The following CADM1 variants were observed in gnomAD, a reference collection of about 807,000 sequenced individuals.
CADM1 encodes the protein cell adhesion molecule 1.
In CADM1, 15 loss-of-function variants were observed where a neutral mutation model predicts 53.1. That is an observed-to-expected ratio of 0.28 (90% CI 0.19 to 0.44). CADM1 has a LOEUF of 0.44. CADM1 is among the 20% of genes least tolerant of loss of function. The pLI is 1.00. For synonymous variants in CADM1, 281 were observed against 243.0 expected (o/e 1.16, Z -1.45); for missense variants, 434 against 611.3 (o/e 0.71, Z 3.06).
chr11:115,179,155 T>C (rs1939190001), intron 10 of CADM1: 2 of 314,348 alleles, frequency 6.4e-6, no homozygotes, highest in South Asian at 6.2e-5. Flanking sequence ...GAATGACACC[T>C]TTAGGCAACA....
chr11:115,271,163 C>G (rs1234859104), intron 1 of CADM1, among the ~76,000 whole-genome samples: 1 of 152,112 alleles, frequency 6.6e-6, no homozygotes, highest in African/African-American at 2.4e-5. Flanking sequence ...TCAGGCTAAG[C>G]ATCAGGTTAG....
At chr11:115,362,052 T>G (rs1314581574) in intron 1 of CADM1, among the ~76,000 whole-genome samples, 1 of 152,138 alleles carries the variant, frequency 6.6e-6, no homozygotes, top group Admixed American at 6.5e-5. Flanking sequence ...TAAACCTTAT[T>G]TTTCCATATT....
chr11:115,440,611 A>C (rs1289984507), intron 1 of CADM1, among the ~76,000 whole-genome samples: 1 of 152,196 alleles, frequency 6.6e-6, no homozygotes, highest in Non-Finnish European at 1.5e-5. Context: ...CAGACAGCTA[A>C]GGGGAGTTTG....
chr11:115,478,204 TAAAAC>T (rs1376443177), intron 1 of CADM1, among the ~76,000 whole-genome samples: 1 of 151,988 alleles, frequency 6.6e-6, no homozygotes, highest in East Asian at 1.9e-4. Flanking sequence ...AATTTTAAAA[TAAAAC>T]AAATCTAGTA....
chr11:115,384,208 G>T (rs997656585), intron 1 of CADM1, among the ~76,000 whole-genome samples: 1 of 152,070 alleles, frequency 6.6e-6, no homozygotes, highest in Admixed American at 6.6e-5. Context: ...GTGCTTTATG[G>T]ATGTACAAAG....
chr11:115,294,917 A>T (rs1944009005), intron 1 of CADM1, among the ~76,000 whole-genome samples: 1 of 152,120 alleles, frequency 6.6e-6, no homozygotes, highest in Non-Finnish European at 1.5e-5. Context: ...ATGCACCTGT[A>T]ATCCCAGCTA....
chr11:115,464,173 C>G (rs1948850721), intron 1 of CADM1, among the ~76,000 whole-genome samples: 1 of 152,104 alleles, frequency 6.6e-6, no homozygotes, highest in African/African-American at 2.4e-5. Context: ...AAACAATCCA[C>G]AAGCAGCCTA....
rs531812807 is a variant in CADM1 at position 115,501,472 on chromosome 11, G to C, written c.124+2799C>G. On this transcript the variant is annotated intron_variant, in intron 1 of 11. Coordinates refer to ENST00000331581, the MANE Select transcript of CADM1 (RefSeq NM_001301043.2). ...ATAAGAGGGGGGTGATCAGCTACTG[G>C]TTCACTCGGGATCGTAAACAACATC... Among the ~76,000 whole-genome samples the C allele has an allele frequency of 6.6e-5, 10 of 152,252 alleles. No individual in the cohort carries two copies. In the East Asian group the frequency reaches 1.9e-3, roughly 29 times the overall value.
At position 115,174,736 on chromosome 11, in the gene CADM1, A is replaced by G; in HGVS notation, c.*1738T>C. On this transcript the variant is annotated 3_prime_UTR_variant, in exon 12 of 12. Transcript: ENST00000331581. ...CAAAATTACTCACTGAAAATGTAAT[A>G]GAATATATATTTATATATATATATA... 1 of 882,060 alleles carries G rather than the reference A, an allele frequency of 1.1e-6. No homozygotes were observed. Among genetic ancestry groups the G allele is most frequent in the African/African-American group, 1.8e-5 (1 of 55,292 alleles). The allele number at this position is 882,060 out of a possible 1,614,324, so 54.6% of individuals were successfully genotyped here.
intron 1 of CADM1, among the ~76,000 whole-genome samples, chr11:115,414,057 G>A (rs1353158958): frequency 6.6e-6 from 1 of 152,002 alleles, no homozygotes; most frequent in East Asian, 1.9e-4. Flanking sequence ...GCTTAAATAA[G>A]TATATACACA....
intron 1 of CADM1, among the ~76,000 whole-genome samples, chr11:115,410,367 G>C (rs774948483): frequency 2.6e-5 from 4 of 152,256 alleles, no homozygotes; most frequent in African/African-American, 7.2e-5. Context: ...TTTCAATAAC[G>C]TAACTTACTT....
intron 3 of CADM1, among the ~76,000 whole-genome samples, chr11:115,236,277 C>T (rs754352774): frequency 9.9e-5 from 15 of 151,940 alleles, no homozygotes; most frequent in Non-Finnish European, 1.8e-4. Context: ...CTAAACCTTA[C>T]GAGAAACGTT....
chr11:115,410,114 C>T (rs1219913309), intron 1 of CADM1, among the ~76,000 whole-genome samples: 1 of 152,226 alleles, frequency 6.6e-6, no homozygotes, highest in African/African-American at 2.4e-5. Context: ...AACATCCTAA[C>T]CAGAACACTG....
intron 1 of CADM1, among the ~76,000 whole-genome samples, chr11:115,364,535 G>GA (rs1946109280): frequency 7.0e-6 from 1 of 143,732 alleles, no homozygotes; most frequent in Non-Finnish European, 1.5e-5. Context: ...TATAGTGGGG[G>GA]AAAATATAAA....
intron 1 of CADM1, among the ~76,000 whole-genome samples, chr11:115,277,504 C>G (rs1382472138): frequency 6.6e-6 from 1 of 152,086 alleles, no homozygotes; most frequent in Admixed American, 6.6e-5. Flanking sequence ...ATCCCTTCAT[C>G]GAATTCAGAG....
intron 1 of CADM1, among the ~76,000 whole-genome samples, chr11:115,372,608 T>C (rs1029322749): frequency 3.3e-5 from 5 of 152,192 alleles, no homozygotes; most frequent in African/African-American, 1.2e-4. Flanking sequence ...TGTAAAAGAT[T>C]ATCAAAATTA....
chr11:115,446,872 G>A (rs965617489), intron 1 of CADM1, among the ~76,000 whole-genome samples: 8 of 152,084 alleles, frequency 5.3e-5, no homozygotes, highest in African/African-American at 1.7e-4. Flanking sequence ...ATCCATCATC[G>A]TCTGCCCCTA....
intron 5 of CADM1, among the ~76,000 whole-genome samples, chr11:115,221,284 G>T (rs1941395564): frequency 6.6e-6 from 1 of 152,160 alleles, no homozygotes; most frequent in Non-Finnish European, 1.5e-5. Flanking sequence ...AATCAATTAG[G>T]TCGAGGGATC....
rs370768234 is a variant in CADM1 at position 115,333,782 on chromosome 11, T to C, written c.125-93362A>G. Among the ~76,000 whole-genome samples, 9 of 152,262 alleles carry C rather than the reference T, an allele frequency of 5.9e-5. No homozygotes were observed. The South Asian group carries it at 8.3e-4, about 14-fold the overall frequency. ...AGAGTCACTGGGCACATAGTAAATATAGGCAGAAAATTAGTACAGTAGTTA... is the reference window on the plus strand; with the variant it reads ...AGAGTCACTGGGCACATAGTAAATACAGGCAGAAAATTAGTACAGTAGTTA... On this transcript the variant is annotated intron_variant, in intron 1 of 11. Transcript: ENST00000331581.
Sources: gnomAD v4.1 joint callset for allele counts (sites outside exome capture counted in the v4.1 genomes callset) on GRCh38, gnomAD v4.1.1 for gene constraint, MANE v1.5 for transcripts, NCBI Gene and HGNC (gene_info 2026-07-23, HGNC 2026-07-21) for gene names.